ERBB4: variants seen among roughly 807,000 people sequenced by gnomAD.
ERBB4 encodes erb-b2 receptor tyrosine kinase 4, also known as receptor tyrosine-protein kinase erbB-4.
A neutral mutation model predicts 158.0 loss-of-function variants in ERBB4; 42 were observed. That is an observed-to-expected ratio of 0.27 (90% CI 0.21 to 0.34). The LOEUF is 0.34. Ranked by LOEUF, ERBB4 falls within the 10% of genes least tolerant of loss-of-function variation. The pLI is 1.00. For missense variants in ERBB4, 1,333 were observed against 1,624.1 expected, an observed-to-expected ratio of 0.82 and a Z score of 3.08; for synonymous variants, 583 against 558.7, an observed-to-expected ratio of 1.04 and a Z score of -0.61.
intron 1 of ERBB4, among the ~76,000 whole-genome samples, chr2:212,461,584 G>A (rs1688577935): frequency 6.6e-6 from 1 of 152,168 alleles, no homozygotes; most frequent in Non-Finnish European, 1.5e-5. Flanking sequence ...GACTTGCCTT[G>A]TCTCAGATGA....
intron 2 of ERBB4, among the ~76,000 whole-genome samples, chr2:212,095,901 C>T (rs2078916306): frequency 6.9e-6 from 1 of 145,264 alleles, no homozygotes; most frequent in African/African-American, 2.6e-5. Flanking sequence ...TGCTACTGCA[C>T]TCCAGCCTGG....
chr2:211,405,838 G>A lies in ERBB4; in HGVS notation c.3135+14603C>T, dbSNP rs3791695. Among the ~76,000 whole-genome samples, 86 of 152,032 alleles carry A rather than the reference G, an allele frequency of 5.7e-4. No individual in the cohort carries two copies. The Middle Eastern group carries it at 0.021, about 36-fold the overall frequency. On this transcript the variant is annotated intron_variant, in intron 25 of 27. Transcript: ENST00000342788. ...CTATCTAATGACTATATCTACTTAT[G>A]TTTTAAAATATTAATTACATCTCCT... is the stretch of plus-strand genomic sequence containing the variant.
At chr2:211,953,697 T>TACA (rs2080943922) in intron 2 of ERBB4, among the ~76,000 whole-genome samples, 1 of 152,052 alleles carries the variant, frequency 6.6e-6, no homozygotes, top group African/African-American at 2.4e-5. Flanking sequence ...TTTGTTCAAG[T>TACA]AGTAAATACA....
chr2:211,901,072 G>C (rs1174660693), intron 3 of ERBB4, among the ~76,000 whole-genome samples: 1 of 152,062 alleles, frequency 6.6e-6, no homozygotes, highest in Non-Finnish European at 1.5e-5. Context: ...AAAGAAATTT[G>C]TATGTTATTT....
intron 1 of ERBB4, among the ~76,000 whole-genome samples, chr2:212,273,682 G>A (rs539830399): frequency 6.6e-6 from 1 of 151,890 alleles, no homozygotes; most frequent in Admixed American, 6.6e-5. Flanking sequence ...TGTGTCAGAG[G>A]TAAAGTATTA....
intron 1 of ERBB4, among the ~76,000 whole-genome samples, chr2:212,191,780 G>GTTATACA (rs1475188138): frequency 0.014 from 1,869 of 132,404 alleles, 199 homozygotes; most frequent in South Asian, 0.043. Context: ...TATAACACGT[G>GTTATACA]TGTTATATGT....
chr2:212,289,087 G>GT (rs2086110450), intron 1 of ERBB4, among the ~76,000 whole-genome samples: 1 of 151,970 alleles, frequency 6.6e-6, no homozygotes, highest in Admixed American at 6.6e-5. Context: ...AACTACCTAC[G>GT]CCCCAAGTTT....
rs545672378 is a variant in ERBB4 at position 212,115,229 on chromosome 2, T to C, written c.234+9523A>G. Among the ~76,000 whole-genome samples the C allele has an allele frequency of 7.9e-5, 12 of 152,278 alleles. No individual in the cohort carries two copies. The South Asian group carries it at 2.5e-3, about 32-fold the overall frequency. ...TCTAAATGTGACAGTTTTCACATTTTATTTTTACACTTTTGATCCTTAAAT... is the reference window on the plus strand; with the variant it reads ...TCTAAATGTGACAGTTTTCACATTTCATTTTTACACTTTTGATCCTTAAAT... On this transcript the variant is annotated intron_variant, in intron 2 of 27. Transcript: ENST00000342788.
At chr2:211,767,213 C>T (rs1024841543) in intron 4 of ERBB4, among the ~76,000 whole-genome samples, 3 of 152,102 alleles carry the variant, frequency 2.0e-5, no homozygotes, top group African/African-American at 7.2e-5. Flanking sequence ...ACACCAAGAA[C>T]CTGGTCACCC....
chr2:212,317,767 G>C (rs1310373581), intron 1 of ERBB4, among the ~76,000 whole-genome samples: 1 of 151,416 alleles, frequency 6.6e-6, no homozygotes, highest in Non-Finnish European at 1.5e-5. Flanking sequence ...GGTAAGGCTA[G>C]GACTAGAACT....
intron 18 of ERBB4, 107 bp downstream of exon 18, chr2:211,623,815 A>C: frequency 9.1e-7 from 1 of 1,096,686 alleles, no homozygotes; most frequent in East Asian, 2.5e-5. Context: ...TTCCTTTCTG[A>C]ATATTATAAG....
chr2:211,540,298 AAC>A (rs1219199943), intron 20 of ERBB4, among the ~76,000 whole-genome samples: 2 of 151,808 alleles, frequency 1.3e-5, no homozygotes, highest in South Asian at 2.1e-4. Context: ...GGCTAGTGGA[AAC>A]ACACACATGA....
At chr2:211,623,497 G>T (rs746849700) in intron 18 of ERBB4, among the ~76,000 whole-genome samples, 8 of 152,124 alleles carry the variant, frequency 5.3e-5, no homozygotes, top group Non-Finnish European at 8.8e-5. Context: ...CTGATGGAGA[G>T]GCGTTGGATA....
intron 16 of ERBB4, among the ~76,000 whole-genome samples, chr2:211,634,541 C>T (rs1057352953): frequency 6.6e-6 from 1 of 151,988 alleles, no homozygotes; most frequent in African/African-American, 2.4e-5. Flanking sequence ...TGCTTAGCTC[C>T]TTTTATGAGG....
intron 1 of ERBB4, among the ~76,000 whole-genome samples, chr2:212,348,538 A>G (rs957300763): frequency 5.9e-5 from 9 of 152,216 alleles, no homozygotes; most frequent in Non-Finnish European, 1.5e-5. Flanking sequence ...TTCGTAACAC[A>G]TCGTCACATT....
intron 7 of ERBB4, among the ~76,000 whole-genome samples, chr2:211,714,657 C>T (rs1426725047): frequency 5.9e-5 from 9 of 152,184 alleles, no homozygotes; most frequent in African/African-American, 2.2e-4. Flanking sequence ...GATTGCACAC[C>T]ATTTAATAAA....
chr2:211,940,457 G>A (rs778282820), intron 3 of ERBB4, among the ~76,000 whole-genome samples: 1 of 152,000 alleles, frequency 6.6e-6, no homozygotes, highest in Non-Finnish European at 1.5e-5. Flanking sequence ...CTCTCTTAGG[G>A]AAGGGAGAAG....
chr2:212,413,775 T>C (rs1056860437), intron 1 of ERBB4, among the ~76,000 whole-genome samples: 5 of 152,176 alleles, frequency 3.3e-5, no homozygotes, highest in African/African-American at 1.2e-4. Flanking sequence ...TTATATGACA[T>C]GTACACACAC....
intron 13 of ERBB4, among the ~76,000 whole-genome samples, chr2:211,673,876 T>C (rs1559404376): frequency 6.6e-6 from 1 of 152,164 alleles, no homozygotes; most frequent in East Asian, 1.9e-4. Context: ...CATCTTTTTG[T>C]AGTCTAAATT....
Sources: gnomAD v4.1 joint callset for allele counts (sites outside exome capture counted in the v4.1 genomes callset) on GRCh38, gnomAD v4.1.1 for gene constraint, MANE v1.5 for transcripts, NCBI Gene and HGNC (gene_info 2026-07-23, HGNC 2026-07-21) for gene names.